MLLT3: variants seen among roughly 807,000 people sequenced by gnomAD.
MLLT3 encodes protein AF-9.
MLLT3 carries 4 observed loss-of-function variants against 53.2 expected under a neutral mutation model. The ratio of observed to expected loss-of-function variants is 0.08; its 90% CI spans 0.04 to 0.17. The LOEUF is 0.17. Among genes scored for constraint, MLLT3 ranks in the 10% least tolerant of loss-of-function variants. The probability of loss-of-function intolerance (pLI) is 1.00; values close to 1 mark genes in which losing one functional copy is unlikely to be tolerated. For missense variants in MLLT3, 569 were observed against 684.0 expected (o/e 0.83, Z 1.87); for synonymous variants, 283 against 230.6 (o/e 1.23, Z -2.06).
intron 4 of MLLT3, among the ~76,000 whole-genome samples, chr9:20,445,833 C>G (rs552183138): frequency 5.9e-5 from 9 of 152,142 alleles, no homozygotes; most frequent in African/African-American, 2.2e-4. Context: ...ATCCTCTCTC[C>G]CACCACAAAA....
Position 20,598,215 on chromosome 9 carries a change from T to C in MLLT3, c.193+22439A>G, listed in dbSNP as rs189691147. Among the ~76,000 whole-genome samples, 425 of 152,318 alleles carry C rather than the reference T, an allele frequency of 2.8e-3. 5 individuals carry two copies. The highest frequency in any genetic ancestry group is 2.9e-3 in the Non-Finnish European group (195 of 68,028). On this transcript the variant is annotated intron_variant, in intron 2 of 10. Transcript: ENST00000380338. ...CAAAAATGATATAAAATATGAAAGA[T>C]TCAGGTTCAAACATCTGCTATATAA...
rs1431893712 is a variant in MLLT3, at chr9:20,341,914, C to T, written c.*4529G>A. On this transcript the variant is annotated 3_prime_UTR_variant, in exon 11 of 11. Transcript: ENST00000380338. Reference sequence around the variant, plus strand: ...GTATCCCACCACTTCTTGTTCCAATCTTTGCAGAGTTTTAAAAATATTATA... The same window carrying T: ...GTATCCCACCACTTCTTGTTCCAATTTTTGCAGAGTTTTAAAAATATTATA... The T allele has an allele frequency of 4.9e-6, 1 of 202,916 alleles. No homozygotes were observed. The highest frequency in any genetic ancestry group is 2.3e-5 in the African/African-American group (1 of 43,586). 12.6% of individuals were successfully genotyped at this position (202,916 alleles called of 1,614,324 possible).
At chr9:20,421,396 G>A (rs920200071) in intron 4 of MLLT3, among the ~76,000 whole-genome samples, 25 of 152,138 alleles carry the variant, frequency 1.6e-4, no homozygotes, top group African/African-American at 4.8e-4. Flanking sequence ...CCTTTATTGC[G>A]TTTGTTTTTT....
At chr9:20,498,132 G>C (rs1825124119) in intron 2 of MLLT3, among the ~76,000 whole-genome samples, 1 of 144,822 alleles carries the variant, frequency 6.9e-6, no homozygotes, top group African/African-American at 2.5e-5. Flanking sequence ...CTGACGCAGA[G>C]AATCACTTGA....
At position 20,621,763 on chromosome 9, in the gene MLLT3, G is replaced by T. The variant is rs1821018264; in HGVS notation, c.12+482C>A. 1.3e-6 allele frequency: 2 copies of T among 1,488,918 alleles called. No homozygotes were observed. Among genetic ancestry groups the T allele is most frequent in the East Asian group, 5.7e-5 (2 of 35,108 alleles). The allele number at this position is 1,488,918 out of a possible 1,614,324, so 92.2% of individuals were successfully genotyped here. On this transcript the variant is annotated intron_variant, in intron 1 of 10. Transcript: ENST00000380338. This position sits in a 1 kb window ranked among gnomAD's most constrained non-coding sequence, Gnocchi z 7.0. ...CTTCGGCTCACACACGCGCGCCGCG[G>T]AGAACGCACCATCGTAGCGGCCGCG...
chr9:20,476,346 A>G (rs1824520860), intron 2 of MLLT3, among the ~76,000 whole-genome samples: 1 of 152,122 alleles, frequency 6.6e-6, no homozygotes, highest in Non-Finnish European at 1.5e-5. Flanking sequence ...ATACTTGTAT[A>G]CAGAGACCCT....
At position 20,342,072 on chromosome 9, in the gene MLLT3, T is replaced by A. The variant is rs1820749081; in HGVS notation, c.*4371A>T. The A allele has an allele frequency of 4.7e-6, 1 of 212,362 alleles. No homozygotes were observed. The highest frequency in any genetic ancestry group is 9.5e-6 in the Non-Finnish European group (1 of 104,882). The allele number at this position is 212,362 out of a possible 1,614,324, so 13.2% of individuals were successfully genotyped here. On this transcript the variant is annotated 3_prime_UTR_variant, in exon 11 of 11. Coordinates refer to ENST00000380338, the MANE Select transcript of MLLT3 (RefSeq NM_004529.4). ...TCTCTGGATGTCTCAGATCTCCCCATCTATTCTTCTTTAGAAACAGCATCA... is the reference window on the plus strand; with the variant it reads ...TCTCTGGATGTCTCAGATCTCCCCAACTATTCTTCTTTAGAAACAGCATCA...
chr9:20,566,042 T>TTATA (rs1196053367), intron 2 of MLLT3, among the ~76,000 whole-genome samples: 1 of 120,192 alleles, frequency 8.3e-6, no homozygotes, highest in African/African-American at 2.9e-5. Context: ...ATTTATTTAT[T>TTATA]TATATATATA....
chr9:20,353,644 G>C (rs1821092721), intron 9 of MLLT3, 48 bp from the exon 10 acceptor site: 1 of 1,476,784 alleles, frequency 6.8e-7, no homozygotes, highest in Non-Finnish European at 9.5e-7. Context: ...TTAAGTAGTA[G>C]TTCAAAAATA....
chr9:20,382,347 T>C (rs918423613), intron 5 of MLLT3: 2 of 151,808 alleles, frequency 1.3e-5, no homozygotes, highest in Non-Finnish European at 2.9e-5. Context: ...TCTTTAAAAA[T>C]TAGAAACACA....
chr9:20,561,870 C>T (rs1819223187), intron 2 of MLLT3, among the ~76,000 whole-genome samples: 1 of 151,536 alleles, frequency 6.6e-6, no homozygotes, highest in Non-Finnish European at 1.5e-5. Context: ...CTACTCGCTG[C>T]GTATCACTAT....
chr9:20,600,140 A>G (rs1820381744), intron 2 of MLLT3, among the ~76,000 whole-genome samples: 2 of 47,888 alleles, frequency 4.2e-5, no homozygotes, highest in African/African-American at 7.9e-5. Flanking sequence ...AAAAAAAACA[A>G]AAAACAAAAA....
chr9:20,522,795 A>G (rs1818097257), intron 2 of MLLT3, among the ~76,000 whole-genome samples: 1 of 152,150 alleles, frequency 6.6e-6, no homozygotes, highest in Admixed American at 6.5e-5. Context: ...GGCCCAGTGC[A>G]GTAGCTAACA....
chr9:20,506,450 T>C (rs936662845), intron 2 of MLLT3, among the ~76,000 whole-genome samples: 1 of 152,250 alleles, frequency 6.6e-6, no homozygotes, highest in African/African-American at 2.4e-5. Context: ...TCCAGAGCCA[T>C]AACCGTCAAG....
At chr9:20,530,143 T>C (rs920690762) in intron 2 of MLLT3, among the ~76,000 whole-genome samples, 2 of 152,238 alleles carry the variant, frequency 1.3e-5, no homozygotes, top group Non-Finnish European at 2.9e-5. Context: ...AGAAACGCCA[T>C]GTTTTACTTT....
chr9:20,456,144 G>A (rs766928363), intron 3 of MLLT3, among the ~76,000 whole-genome samples: 9 of 152,002 alleles, frequency 5.9e-5, no homozygotes, highest in Non-Finnish European at 1.0e-4. Context: ...TCACCATGTT[G>A]GCCAGGCTGG....
At chr9:20,375,854 C>T (rs961206995) in intron 5 of MLLT3, among the ~76,000 whole-genome samples, 3 of 151,938 alleles carry the variant, frequency 2.0e-5, no homozygotes, top group South Asian at 4.2e-4. Flanking sequence ...GTGATCCGCC[C>T]GCCTCAGCCT....
intron 2 of MLLT3, among the ~76,000 whole-genome samples, chr9:20,586,545 C>T (rs1819969273): frequency 6.6e-6 from 1 of 152,068 alleles, no homozygotes; most frequent in Non-Finnish European, 1.5e-5. Flanking sequence ...GTTCAACTAA[C>T]CTGCTGAAAA....
intron 4 of MLLT3, among the ~76,000 whole-genome samples, chr9:20,415,697 C>G (rs1293717155): frequency 6.6e-6 from 1 of 151,968 alleles, no homozygotes; most frequent in African/African-American, 2.4e-5. Context: ...TAGCATGACA[C>G]AGGACAGTAA....
Sources: gnomAD v4.1 joint callset for allele counts (sites outside exome capture counted in the v4.1 genomes callset) on GRCh38, gnomAD v4.1.1 for gene constraint, Gnocchi (gnomAD v3.1) non-coding constraint, MANE v1.5 for transcripts, NCBI Gene and HGNC (gene_info 2026-07-23, HGNC 2026-07-21) for gene names.